Variants in CAMK1D observed in about 807,000 individuals in gnomAD.
CAMK1D encodes the protein calcium/calmodulin dependent protein kinase ID, also known as calcium/calmodulin-dependent protein kinase type 1D.
CAMK1D carries 9 observed loss-of-function variants against 47.7 expected under a neutral mutation model. The ratio of observed to expected loss-of-function variants is 0.19; its 90% CI spans 0.11 to 0.33. CAMK1D has a LOEUF of 0.33. Ranked by LOEUF, CAMK1D falls within the 10% of genes least tolerant of loss-of-function variation. CAMK1D has a pLI of 1.00. For missense variants in CAMK1D, 291 were observed against 488.7 expected, an observed-to-expected ratio of 0.60 and a Z score of 3.81; for synonymous variants, 184 against 184.9, an observed-to-expected ratio of 0.99 and a Z score of 0.04.
At chr10:12,535,954 A>T (rs751403609) in intron 1 of CAMK1D, among the ~76,000 whole-genome samples, 1 of 152,176 alleles carries the variant, frequency 6.6e-6, no homozygotes. Flanking sequence ...CCTGGGCTTA[A>T]CAGTGTGGCT....
In CAMK1D at chr10:12,522,271, A is replaced by G. The variant is rs536738129; in HGVS notation, c.93-30954A>G. On this transcript the variant is annotated intron_variant, in intron 1 of 10. Transcript: ENST00000619168. ...GGGGGATTTGGCAGGGTCACAGGACAATAGTGGAGGGAAGGTCAGCAGACA... is the reference window on the plus strand; with the variant it reads ...GGGGGATTTGGCAGGGTCACAGGACGATAGTGGAGGGAAGGTCAGCAGACA... Among the ~76,000 whole-genome samples, 11 of 142,844 alleles carry G rather than the reference A, an allele frequency of 7.7e-5. 1 individual carries two copies. The South Asian group carries it at 2.4e-3, about 31-fold the overall frequency. The allele number at this position is 142,844 out of a possible 152,430, so 93.7% of individuals were successfully genotyped here.
chr10:12,428,491 C>T (rs1376579315), intron 1 of CAMK1D, among the ~76,000 whole-genome samples: 3 of 152,190 alleles, frequency 2.0e-5, no homozygotes, highest in Non-Finnish European at 4.4e-5. Flanking sequence ...CTAATACCAC[C>T]TTGGTCTGAG....
In CAMK1D at chr10:12,769,657, C is replaced by T. The variant is rs1245024321; in HGVS notation, c.439-16C>T. On this transcript the variant is annotated splice_polypyrimidine_tract_variant and intron_variant, in intron 4 of 10. Transcript: ENST00000619168. ...TACACGTAGTTTGTAATGTTTTTTT[C>T]TTATTTTCTTTCTAGCCCGAAAATC... 3 of 1,610,930 alleles carry T rather than the reference C, an allele frequency of 1.9e-6. No individual in the cohort carries two copies. Among genetic ancestry groups the T allele is most frequent in the African/African-American group, 1.3e-5 (1 of 74,384 alleles).
intron 3 of CAMK1D, among the ~76,000 whole-genome samples, chr10:12,680,577 A>C (rs1188969111): frequency 1.3e-5 from 2 of 152,146 alleles, no homozygotes; most frequent in African/African-American, 4.8e-5. Flanking sequence ...ATCTCTTTGA[A>C]TCCTTGGAGG....
intron 1 of CAMK1D, among the ~76,000 whole-genome samples, chr10:12,510,149 T>C (rs985799605): frequency 6.6e-6 from 1 of 152,170 alleles, no homozygotes; most frequent in Non-Finnish European, 1.5e-5. Context: ...TTGGGGTTGC[T>C]CCCGTCTGTA....
intron 3 of CAMK1D, among the ~76,000 whole-genome samples, chr10:12,757,614 A>C (rs1836288966): frequency 6.6e-6 from 1 of 152,240 alleles, no homozygotes; most frequent in Admixed American, 6.5e-5. Context: ...TGAATAAGTC[A>C]GTGCTGGCTG....
At chr10:12,547,639 ACC>A (rs11393244) in intron 1 of CAMK1D, among the ~76,000 whole-genome samples, 5 of 109,234 alleles carry the variant, frequency 4.6e-5, no homozygotes, top group African/African-American at 2.0e-4. Flanking sequence ...TCACGAGGAC[ACC>A]CCCCCCCCAA....
intron 2 of CAMK1D, among the ~76,000 whole-genome samples, chr10:12,574,467 A>AT (rs2132323119): frequency 3.2e-5 from 3 of 94,532 alleles, no homozygotes; most frequent in Admixed American, 1.1e-4. Flanking sequence ...ACGCCTAGCT[A>AT]ATTTTTTTTT....
intron 1 of CAMK1D, among the ~76,000 whole-genome samples, chr10:12,431,663 G>T (rs1832480149): frequency 6.6e-6 from 1 of 152,186 alleles, no homozygotes; most frequent in African/African-American, 2.4e-5. Context: ...GGCCAGAGCT[G>T]GGGGCGTCCG....
intron 5 of CAMK1D, among the ~76,000 whole-genome samples, chr10:12,779,466 G>T (rs755105263): frequency 1.3e-5 from 2 of 152,058 alleles, no homozygotes; most frequent in African/African-American, 2.4e-5. Flanking sequence ...CAGGGTCTCT[G>T]TCCCCCAGGC....
intron 6 of CAMK1D, among the ~76,000 whole-genome samples, chr10:12,811,083 T>C (rs1832585687): frequency 6.6e-6 from 1 of 152,230 alleles, no homozygotes. Context: ...GGAGGTGAAT[T>C]GCCTTGATTG....
At chr10:12,676,114 G>A (rs541328026) in intron 3 of CAMK1D, among the ~76,000 whole-genome samples, 3 of 152,036 alleles carry the variant, frequency 2.0e-5, no homozygotes, top group Non-Finnish European at 4.4e-5. Context: ...CACTACGCCT[G>A]GCTAATTTTT....
intron 5 of CAMK1D, among the ~76,000 whole-genome samples, chr10:12,783,300 G>A (rs948029570): frequency 4.6e-5 from 7 of 152,096 alleles, no homozygotes. Context: ...GCCTGGTGCT[G>A]GACTGTTGGC....
intron 2 of CAMK1D, among the ~76,000 whole-genome samples, chr10:12,619,281 T>A (rs1441838237): frequency 2.0e-5 from 3 of 152,090 alleles, no homozygotes; most frequent in Non-Finnish European, 1.5e-5. Context: ...AATGACCAAA[T>A]TCACATAGAG....
intron 1 of CAMK1D, among the ~76,000 whole-genome samples, chr10:12,544,953 T>G (rs960767401): frequency 6.6e-6 from 1 of 152,180 alleles, no homozygotes; most frequent in East Asian, 1.9e-4. Flanking sequence ...TTTGCAGATC[T>G]GCAGCACAGG....
intron 1 of CAMK1D, among the ~76,000 whole-genome samples, chr10:12,524,524 G>A (rs1279511002): frequency 2.6e-5 from 4 of 151,834 alleles, no homozygotes; most frequent in East Asian, 2.0e-4. Flanking sequence ...TGGCTAACAC[G>A]GTGAAAACCC....
At chr10:12,615,723 AGT>A (rs754032875) in intron 2 of CAMK1D, among the ~76,000 whole-genome samples, 61 of 142,980 alleles carry the variant, frequency 4.3e-4, no homozygotes, top group African/African-American at 1.1e-3. Flanking sequence ...TGTAGGTGTG[AGT>A]GTGCATGTGT....
chr10:12,614,916 G>C (rs143978649), intron 2 of CAMK1D, among the ~76,000 whole-genome samples: 1 of 152,324 alleles, frequency 6.6e-6, no homozygotes, highest in East Asian at 1.9e-4. Flanking sequence ...CCTTAGAAGT[G>C]TGTGTTCAAA....
intron 1 of CAMK1D, among the ~76,000 whole-genome samples, chr10:12,526,359 G>A (rs976421365): frequency 6.6e-6 from 1 of 152,202 alleles, no homozygotes; most frequent in Non-Finnish European, 1.5e-5. Context: ...TTCTTTGGGT[G>A]TGTTTTACGC....
Sources: allele counts gnomAD v4.1 joint callset (sites outside exome capture counted in the v4.1 genomes callset), GRCh38; gene constraint gnomAD v4.1.1; transcripts MANE v1.5; gene names NCBI Gene and HGNC (gene_info 2026-07-23, HGNC 2026-07-21).